Variants in CUX1 observed in about 807,000 individuals in gnomAD.
CUX1 encodes the protein protein CASP.
CUX1 carries 31 observed loss-of-function variants against 158.8 expected under a neutral mutation model. The ratio of observed to expected loss-of-function variants is 0.20; its 90% confidence interval spans 0.15 to 0.26. The LOEUF (loss-of-function observed/expected upper bound fraction) is 0.26, where lower values mean the gene tolerates loss of function less well. Among genes scored for constraint, CUX1 ranks in the 10% least tolerant of loss-of-function variants. CUX1 has a pLI of 1.00. For missense variants in CUX1, 1,589 were observed against 2,014.6 expected (o/e 0.79, Z 4.04); for synonymous variants, 879 against 862.1 (o/e 1.02, Z -0.34).
chr7:101,960,670 T>G (rs1240778539), intron 2 of CUX1: 1 of 152,184 alleles, frequency 6.6e-6, no homozygotes, highest in Non-Finnish European at 1.5e-5. Flanking sequence ...GAGGCCTTAA[T>G]ATACCTTTTT....
intron 23 of CUX1, among the ~76,000 whole-genome samples, chr7:102,239,837 C>A (rs1440196326): frequency 6.6e-6 from 1 of 152,158 alleles, no homozygotes; most frequent in Non-Finnish European, 1.5e-5. Context: ...ACCTCCGCCT[C>A]CTGGGTTTAA....
At position 102,077,188 on chromosome 7, in the gene CUX1, A is replaced by G. The variant is rs1048726846; in HGVS notation, c.268+6771A>G. On this transcript the variant is annotated intron_variant, in intron 4 of 23. Transcript: ENST00000292535. ...AGGCAGCTGCCCTCAGGTGGCACCA[A>G]CTGGGGCCAGGAGAAGAAGCCACAG... 3.9e-5 allele frequency among the ~76,000 whole-genome samples: 6 copies of G among 152,174 alleles called. No homozygotes were observed. The East Asian group carries it at 9.7e-4, about 25-fold the overall frequency.
intron 14 of CUX1, among the ~76,000 whole-genome samples, chr7:102,265,551 C>T (rs896836105): frequency 6.6e-6 from 1 of 151,902 alleles, no homozygotes; most frequent in Non-Finnish European, 1.5e-5. Flanking sequence ...AATCCTCCTG[C>T]CTCAGCCTCC....
At chr7:101,938,935 G>C (rs1003589128) in intron 2 of CUX1, among the ~76,000 whole-genome samples, 2 of 151,032 alleles carry the variant, frequency 1.3e-5, no homozygotes, top group African/African-American at 4.9e-5. Flanking sequence ...CAGCTACTTG[G>C]GAGGCTGAGG....
chr7:101,898,683 C>CGG (rs1486712351), intron 1 of CUX1, among the ~76,000 whole-genome samples: 4 of 151,454 alleles, frequency 2.6e-5, no homozygotes, highest in Admixed American at 6.6e-5. Flanking sequence ...CTCCGCCTCC[C>CGG]GGGTTCAAGT....
intron 20 of CUX1, chr7:102,280,926 T>A: frequency 6.8e-7 from 1 of 1,479,270 alleles, no homozygotes; most frequent in African/African-American, 1.4e-5. Context: ...AGGCACCTCT[T>A]CACCTGCCCT....
chr7:102,187,630 G>A lies in CUX1; in HGVS notation c.1018-2183G>A, dbSNP rs185110859. Among the ~76,000 whole-genome samples the A allele has an allele frequency of 2.6e-5, 4 of 151,074 alleles. No homozygotes were observed. The East Asian group carries it at 5.9e-4, about 22-fold the overall frequency. ...GCTCCTATTCTCTGGATATGACCAC[G>A]TTTATGCACGCTAAATTTAGACCAC... On this transcript the variant is annotated intron_variant, in intron 11 of 23. Transcript: ENST00000292535.
intron 2 of CUX1, among the ~76,000 whole-genome samples, chr7:101,941,048 G>A (rs1367437437): frequency 6.6e-6 from 1 of 152,210 alleles, no homozygotes; most frequent in Non-Finnish European, 1.5e-5. Context: ...AAAAGGGCAG[G>A]GAGCCGGGCT....
intron 3 of CUX1, among the ~76,000 whole-genome samples, chr7:102,048,434 G>T (rs962669969): frequency 6.6e-6 from 1 of 152,214 alleles, no homozygotes; most frequent in African/African-American, 2.4e-5. Context: ...TCGGTTGGAA[G>T]GCGTGGTAGT....
chr7:101,874,963 C>T (rs889176109), intron 1 of CUX1, among the ~76,000 whole-genome samples: 9 of 152,172 alleles, frequency 5.9e-5, no homozygotes, highest in African/African-American at 2.2e-4. Flanking sequence ...CTCATTCCAC[C>T]CCTTTAGTGG....
intron 3 of CUX1, among the ~76,000 whole-genome samples, chr7:102,054,534 T>A (rs145931196): frequency 7.9e-5 from 12 of 152,302 alleles, no homozygotes; most frequent in African/African-American, 2.9e-4. Flanking sequence ...CCAGTTCAGG[T>A]CAATGTAGTT....
At chr7:101,928,733 C>G (rs891627510) in intron 2 of CUX1, among the ~76,000 whole-genome samples, 4 of 147,238 alleles carry the variant, frequency 2.7e-5, no homozygotes, top group African/African-American at 1.0e-4. Flanking sequence ...TGCAGGGGCG[C>G]GATCTCGGCT....
chr7:102,224,036 C>T (rs1215557579), intron 20 of CUX1, among the ~76,000 whole-genome samples: 1 of 152,162 alleles, frequency 6.6e-6, no homozygotes, highest in Non-Finnish European at 1.5e-5. Flanking sequence ...ACGGTGTCTC[C>T]AACGCGTCTG....
intron 2 of CUX1, among the ~76,000 whole-genome samples, chr7:101,958,900 G>A (rs898202133): frequency 1.2e-4 from 15 of 121,002 alleles, no homozygotes; most frequent in African/African-American, 4.8e-4. Context: ...TGTCGCCCAA[G>A]CTGGACTCCA....
chr7:101,861,431 C>G (rs1399175341), intron 1 of CUX1, among the ~76,000 whole-genome samples: 1 of 152,162 alleles, frequency 6.6e-6, no homozygotes, highest in Non-Finnish European at 1.5e-5. Flanking sequence ...CGTTTTTTCC[C>G]CAATCTTTTG....
intron 1 of CUX1, among the ~76,000 whole-genome samples, chr7:101,836,048 G>A (rs959530761): frequency 6.6e-6 from 1 of 152,220 alleles, no homozygotes; most frequent in Non-Finnish European, 1.5e-5. Flanking sequence ...ACTTTAAAAT[G>A]TACGATTAAA....
rs1261278286 is a variant in CUX1 at position 102,251,251 on chromosome 7, G to A, written c.*2209G>A. On this transcript the variant is annotated 3_prime_UTR_variant, in exon 24 of 24. Transcript: ENST00000292535. The stretch of plus-strand genomic sequence containing the variant: ...ATATTACTTTTTTTTTTATTTGGGG[G>A]GTGGGAGGGAGTTATAATTTTAAAG... 23 of 981,518 alleles carry A rather than the reference G, an allele frequency of 2.3e-5. No individual in the cohort carries two copies. The highest frequency in any genetic ancestry group is 2.7e-5 in the Non-Finnish European group (22 of 826,902). The allele number at this position is 981,518 out of a possible 1,614,324, so 60.8% of individuals were successfully genotyped here. A position where few individuals can be genotyped will look rare whatever the true frequency, so the allele number is the denominator to read the frequency against.
chr7:102,273,479 C>T (rs1554546829), exon 15 of CUX1: 2 of 1,611,266 alleles, frequency 1.2e-6, no homozygotes, highest in Non-Finnish European at 8.5e-7. Context: ...GTCCATCCAG[C>T]GGCCCGATGC....
chr7:102,119,408 C>T (rs1203919173), intron 8 of CUX1, among the ~76,000 whole-genome samples: 2 of 152,194 alleles, frequency 1.3e-5, no homozygotes, highest in African/African-American at 4.8e-5. Flanking sequence ...CTGTGGCAGA[C>T]AACGGCAGTA....
Sources: allele counts gnomAD v4.1 joint callset (sites outside exome capture counted in the v4.1 genomes callset), GRCh38; gene constraint gnomAD v4.1.1; transcripts MANE v1.5; gene names NCBI Gene and HGNC (gene_info 2026-07-23, HGNC 2026-07-21).